The following TRAPPC9 variants were observed in gnomAD, a reference collection of about 807,000 sequenced individuals.
TRAPPC9 encodes IKK2 binding protein.
Under a neutral mutation model 124.0 loss-of-function variants are expected in TRAPPC9, and 83 were observed. That is an observed-to-expected ratio of 0.67 (90% confidence interval 0.56 to 0.80). The LOEUF (loss-of-function observed/expected upper bound fraction) is 0.80, where lower values mean the gene tolerates loss of function less well. TRAPPC9 is among the 30% of genes least tolerant of loss of function. The pLI is 0.00. For missense variants in TRAPPC9, 1,302 were observed against 1,508.3 expected (o/e 0.86, Z 2.27); for synonymous variants, 638 against 617.5 (o/e 1.03, Z -0.49).
intron 6 of TRAPPC9, among the ~76,000 whole-genome samples, chr8:140,404,284 A>G (rs1385018366): frequency 6.6e-6 from 1 of 152,206 alleles, no homozygotes; most frequent in Non-Finnish European, 1.5e-5. Context: ...ATATAGGGGC[A>G]AAAATGTTCA....
intron 5 of TRAPPC9, among the ~76,000 whole-genome samples, chr8:140,406,480 T>C (rs2069494021): frequency 6.6e-6 from 1 of 152,190 alleles, no homozygotes; most frequent in South Asian, 2.1e-4. Flanking sequence ...CACCCATCTG[T>C]ATAACCTCAC....
At chr8:139,916,089 C>T (rs1832111267) in intron 19 of TRAPPC9, among the ~76,000 whole-genome samples, 1 of 152,300 alleles carries the variant, frequency 6.6e-6, no homozygotes, top group Non-Finnish European at 1.5e-5. Context: ...TACTTTTGTA[C>T]AGGCCTATAA....
At chr8:140,343,745 T>G (rs2132073579) in intron 9 of TRAPPC9, among the ~76,000 whole-genome samples, 1 of 152,300 alleles carries the variant, frequency 6.6e-6, no homozygotes, top group South Asian at 2.1e-4. Context: ...AAGCACAGAT[T>G]CCTGGGTCCT....
intron 17 of TRAPPC9, among the ~76,000 whole-genome samples, chr8:140,027,521 C>T (rs1587530227): frequency 6.6e-6 from 1 of 152,028 alleles, no homozygotes; most frequent in Non-Finnish European, 1.5e-5. Context: ...TACCACATCA[C>T]CAAGAGGAAA....
chr8:140,408,011 C>T (rs2069556056), intron 5 of TRAPPC9, among the ~76,000 whole-genome samples: 1 of 152,170 alleles, frequency 6.6e-6, no homozygotes, highest in East Asian at 1.9e-4. Flanking sequence ...ATAACAAGAG[C>T]ATCGCTCCCA....
chr8:140,365,387 C>T (rs373897759), intron 8 of TRAPPC9, among the ~76,000 whole-genome samples: 38 of 152,178 alleles, frequency 2.5e-4, no homozygotes, highest in African/African-American at 8.0e-4. Context: ...ACGTGGAACG[C>T]GTGGTCTCCA....
intron 17 of TRAPPC9, among the ~76,000 whole-genome samples, chr8:140,046,989 G>A (rs1841641797): frequency 6.6e-6 from 1 of 152,200 alleles, no homozygotes; most frequent in Admixed American, 6.5e-5. Context: ...AGGTTCCCGT[G>A]GCACCTACAA....
At chr8:140,310,488 T>C (rs558061256) in intron 10 of TRAPPC9, among the ~76,000 whole-genome samples, 4 of 152,280 alleles carry the variant, frequency 2.6e-5, no homozygotes, top group South Asian at 4.1e-4. Flanking sequence ...CCTCACAAGA[T>C]CAGTTCATAA....
intron 21 of TRAPPC9, among the ~76,000 whole-genome samples, chr8:139,785,513 C>G (rs1326074545): frequency 6.6e-6 from 1 of 151,168 alleles, no homozygotes; most frequent in Non-Finnish European, 1.5e-5. Flanking sequence ...GCCTGGCCAA[C>G]ATGGTGAAAC....
chr8:140,368,486 T>A (rs1309232993), intron 8 of TRAPPC9, among the ~76,000 whole-genome samples: 1 of 152,030 alleles, frequency 6.6e-6, no homozygotes, highest in African/African-American at 2.4e-5. Flanking sequence ...CAAAAACCCA[T>A]AAAAACTGGG....
intron 9 of TRAPPC9, among the ~76,000 whole-genome samples, chr8:140,326,095 G>A (rs1009426441): frequency 1.1e-4 from 17 of 151,878 alleles, no homozygotes; most frequent in African/African-American, 2.7e-4. Flanking sequence ...CTAAGAAGTC[G>A]GGGGTTACTG....
chr8:140,108,119 TG>T (rs2060701072), intron 17 of TRAPPC9, among the ~76,000 whole-genome samples: 1 of 58,902 alleles, frequency 1.7e-5, no homozygotes. Flanking sequence ...GGAGAAGGGG[TG>T]GGGGCGGGGA....
chr8:140,283,592 G>C (rs1271804433), intron 14 of TRAPPC9, among the ~76,000 whole-genome samples: 1 of 151,812 alleles, frequency 6.6e-6, no homozygotes, highest in African/African-American at 2.4e-5. Flanking sequence ...CACCGCGCCA[G>C]GCCAAAATTC....
At chr8:139,950,574 A>AG (rs1587320364) in intron 19 of TRAPPC9, among the ~76,000 whole-genome samples, 1 of 152,226 alleles carries the variant, frequency 6.6e-6, no homozygotes, top group Non-Finnish European at 1.5e-5. Context: ...TGCCGCTGTG[A>AG]GGCATAACAG....
intron 9 of TRAPPC9, among the ~76,000 whole-genome samples, chr8:140,350,019 G>A (rs1407333297): frequency 2.0e-5 from 3 of 152,120 alleles, no homozygotes; most frequent in Non-Finnish European, 4.4e-5. Flanking sequence ...TTCTAAAAAC[G>A]TCTTCACAAT....
At chr8:139,885,816 T>C in intron 21 of TRAPPC9, 63 bp downstream of exon 21, 1 of 1,488,814 alleles carries the variant, frequency 6.7e-7, no homozygotes, top group South Asian at 1.2e-5. Context: ...AAGACCTTGC[T>C]CGTGCATTTG....
At chr8:139,890,717 C>A (rs1024803995) in intron 20 of TRAPPC9, among the ~76,000 whole-genome samples, 1 of 152,120 alleles carries the variant, frequency 6.6e-6, no homozygotes, top group Admixed American at 6.5e-5. Context: ...GATTCAGGCC[C>A]CAAGTGAGGT....
At chr8:139,873,325 T>G (rs1829122267) in intron 21 of TRAPPC9, among the ~76,000 whole-genome samples, 2 of 152,126 alleles carry the variant, frequency 1.3e-5, no homozygotes, top group Admixed American at 1.3e-4. Context: ...GGTGATCATA[T>G]TATTCATCAT....
intron 8 of TRAPPC9, among the ~76,000 whole-genome samples, chr8:140,361,192 A>G (rs1342106990): frequency 1.3e-5 from 2 of 152,266 alleles, no homozygotes; most frequent in African/African-American, 2.4e-5. Flanking sequence ...GAAAGTCCGT[A>G]ATAGCTCACG....
Sources: gnomAD v4.1 joint callset for allele counts (sites outside exome capture counted in the v4.1 genomes callset) on GRCh38, gnomAD v4.1.1 for gene constraint, MANE v1.5 for transcripts, NCBI Gene and HGNC (gene_info 2026-07-23, HGNC 2026-07-21) for gene names.